The following DYNC1H1 variants were observed in gnomAD, a reference collection of about 807,000 sequenced individuals.
The protein encoded by DYNC1H1 is cytoplasmic dynein 1 heavy chain 1.
A neutral mutation model predicts 527.1 loss-of-function variants in DYNC1H1; 51 were observed. That is an observed-to-expected ratio of 0.10 (90% CI 0.08 to 0.12). The LOEUF (loss-of-function observed/expected upper bound fraction) is 0.12, where lower values mean the gene tolerates loss of function less well. DYNC1H1 is among the 10% of genes least tolerant of loss of function. The pLI is 1.00. For synonymous variants in DYNC1H1, 2,189 were observed against 2,278.8 expected, an observed-to-expected ratio of 0.96 and a Z score of 1.12; for missense variants, 2,771 against 5,971.8, an observed-to-expected ratio of 0.46 and a Z score of 17.66.
In DYNC1H1 at chr14:102,030,049, GGA is replaced by G. The variant is rs550418617; in HGVS notation, c.9763-105_9763-104del. On this transcript the variant is annotated intron_variant, in intron 50 of 77. Transcript: ENST00000360184. ...CTTAGGGTTAGAGAGAGGGAGGGAG[GGA>G]GAGAGAGTGTGTGTGTGTGTGTGTG... The G allele has an allele frequency of 6.6e-4, 1,030 of 1,553,816 alleles. 7 individuals carry two copies. In the African/African-American group the frequency reaches 0.014, roughly 21 times the overall value.
At chr14:101,976,882 A>G (rs1040452185) in intron 2 of DYNC1H1, among the ~76,000 whole-genome samples, 1 of 152,246 alleles carries the variant, frequency 6.6e-6, no homozygotes, top group African/African-American at 2.4e-5. Flanking sequence ...AGCCAGTATA[A>G]CAACTATTTA....
At chr14:102,024,677 CTT>C (rs10707594) in intron 43 of DYNC1H1, among the ~76,000 whole-genome samples, 6 of 135,484 alleles carry the variant, frequency 4.4e-5, no homozygotes, top group Non-Finnish European at 6.1e-5. Flanking sequence ...TGTGGCTTAT[CTT>C]TTTTTTTTAA....
chr14:102,043,133 A>G (rs185140612), intron 69 of DYNC1H1: 91 of 334,480 alleles, frequency 2.7e-4, no homozygotes, highest in East Asian at 2.1e-3. Context: ...AATATAAAAA[A>G]TTAGCCAGGC....
intron 10 of DYNC1H1, 55 bp from the exon 11 acceptor site, chr14:101,991,472 A>T (rs545139898): frequency 1.5e-4 from 241 of 1,608,966 alleles, no homozygotes; most frequent in Middle Eastern, 1.4e-3. Context: ...TCTTAAAAAA[A>T]TTTTTTTTAT....
Position 101,964,739 on chromosome 14 carries a change from G to A in DYNC1H1, c.48G>A (p.Leu16=). Residue 16 remains leucine (L), a synonymous_variant, in exon 1 of 78, where the codon TTG becomes TTA. Coordinates refer to ENST00000360184, the MANE Select transcript of DYNC1H1 (RefSeq NM_001376.5). This position sits in a 1 kb window ranked among gnomAD's most constrained non-coding sequence, Gnocchi z 5.5. ...GGGGEDGSAG[L]EVSAVQNVAD... Reference sequence around the variant, plus strand: ...GCGGCGAGGACGGCTCGGCCGGATTGGAAGTGTCGGCCGTGCAGAATGTGG... The same window carrying A: ...GCGGCGAGGACGGCTCGGCCGGATTAGAAGTGTCGGCCGTGCAGAATGTGG... 2 of 1,597,112 alleles carry A rather than the reference G, an allele frequency of 1.3e-6. No individual in the cohort carries two copies. Among genetic ancestry groups the A allele is most frequent in the African/African-American group, 1.3e-5 (1 of 74,832 alleles).
Position 102,015,885 on chromosome 14 carries a change from A to G in DYNC1H1, c.7272A>G (p.Gln2424=), listed in dbSNP as rs749295312. The G allele has an allele frequency of 8.7e-6, 14 of 1,614,218 alleles. No homozygotes were observed. In the Admixed American group the frequency reaches 1.7e-4, roughly 19 times the overall value. Residue 2424 remains glutamine (Q), a synonymous_variant, in exon 36 of 78, where the codon CAA becomes CAG. Transcript: ENST00000360184. The surrounding 1 kb of genome is among the most constrained non-coding windows in gnomAD (Gnocchi z 6.9). ...AAAGAGATGCAGCTACGATCATGCA[A>G]CCGTACTTCACGTCCAACGGCCTGG... ...QIQRDAATIM[Q]PYFTSNGLVT...
chr14:101,977,760 T>C (rs984616717), intron 2 of DYNC1H1, among the ~76,000 whole-genome samples: 3 of 152,378 alleles, frequency 2.0e-5, no homozygotes, highest in African/African-American at 7.2e-5. Context: ...TTCATGGAAC[T>C]GTTGGGTTTG....
rs774753241 is a variant in DYNC1H1 at position 102,018,477 on chromosome 14, A to G, written c.8204A>G (p.Tyr2735Cys). 6.2e-7 allele frequency: 1 copy of G among 1,613,830 alleles called. No homozygotes were observed. Among genetic ancestry groups the G allele is most frequent in the Non-Finnish European group, 8.5e-7 (1 of 1,180,022 alleles). The change falls in exon 41 of 78, where the codon TAT (tyrosine) becomes TGT (cysteine). Residue 2735 changes from tyrosine to cysteine, a missense_variant. Physicochemically the swap from Tyr to Cys is radical, Grantham distance 194 (BLOSUM62 -2). Around this residue, in one of 32 missense-constraint regions of DYNC1H1, gnomAD observed 163 missense variants for 346.9 expected, o/e 0.47. Coordinates refer to ENST00000360184, the MANE Select transcript of DYNC1H1 (RefSeq NM_001376.5). The surrounding 1 kb of genome is among the most constrained non-coding windows in gnomAD (Gnocchi z 5.2). ...TTCCTGCGCCACGTGCCTGTCGTGT[A>G]TGTGGATTACCCGGGCCCCGCCTCC... The part of the protein sequence containing the change: ...HRFLRHVPVV[Y>C]VDYPGPASLT...
Position 102,010,613 on chromosome 14 carries a change from C to T in DYNC1H1, c.6406-127C>T, listed in dbSNP as rs547297266. On this transcript the variant is annotated intron_variant, in intron 31 of 77. Transcript: ENST00000360184. The surrounding 1 kb of genome is among the most constrained non-coding windows in gnomAD (Gnocchi z 6.0). ...ATGTTGACCCAGTGAGTCGAGTGCA[C>T]GAATGTGGGCGAGTGGTGCTCGCAC... 9.9e-5 allele frequency: 148 copies of T among 1,493,828 alleles called. No individual in the cohort carries two copies. The Middle Eastern group carries it at 1.2e-3, about 12-fold the overall frequency. 92.5% of individuals were successfully genotyped at this position (1,493,828 alleles called of 1,614,324 possible).
chr14:102,041,961 G>C lies in DYNC1H1; in HGVS notation c.12103-52G>C. On this transcript the variant is annotated intron_variant, in intron 65 of 77. Coordinates refer to ENST00000360184, the MANE Select transcript of DYNC1H1 (RefSeq NM_001376.5). This position sits in a 1 kb window ranked among gnomAD's most constrained non-coding sequence, Gnocchi z 4.5. ...CTCGGGGCTCTCCTTTCCCTTGACA[G>C]GTACACACTATTTGCTGGCACTGTA... 1 of 1,593,786 alleles carries C rather than the reference G, an allele frequency of 6.3e-7. No homozygotes were observed. Among genetic ancestry groups the C allele is most frequent in the Non-Finnish European group, 8.6e-7 (1 of 1,162,402 alleles).
At position 102,044,103 on chromosome 14, in the gene DYNC1H1, G is replaced by A; in HGVS notation, c.12684+58G>A. On this transcript the variant is annotated intron_variant, in intron 70 of 77. Coordinates refer to ENST00000360184, the MANE Select transcript of DYNC1H1 (RefSeq NM_001376.5). This position sits in a 1 kb window ranked among gnomAD's most constrained non-coding sequence, Gnocchi z 7.1. ...ACGTGTATCTGGGAAGGATGCTGCA[G>A]GGCGTGGTGCTGAGAGGCCAGACTC... The A allele has an allele frequency of 6.2e-7, 1 of 1,604,814 alleles. No individual in the cohort carries two copies. The highest frequency in any genetic ancestry group is 2.2e-5 in the East Asian group (1 of 44,722).
In DYNC1H1 at chr14:102,029,769, A is replaced by G. The variant is rs761986627; in HGVS notation, c.9643-50A>G. On this transcript the variant is annotated intron_variant, in intron 49 of 77. Transcript: ENST00000360184. The surrounding 1 kb of genome is among the most constrained non-coding windows in gnomAD (Gnocchi z 5.3). ...TGAGCTGCAGTGAGGACCCCTTTCC[A>G]TATAATTTCTGCATGTTTCTCGTCT... is the stretch of plus-strand genomic sequence containing the variant. 3.7e-6 allele frequency: 6 copies of G among 1,614,178 alleles called. No homozygotes were observed. The highest frequency in any genetic ancestry group is 1.1e-5 in the South Asian group (1 of 91,080).
At chr14:101,988,033 G>A (rs1017053872) in intron 9 of DYNC1H1, among the ~76,000 whole-genome samples, 3 of 151,986 alleles carry the variant, frequency 2.0e-5, no homozygotes, top group African/African-American at 7.3e-5. Flanking sequence ...AGCCAACATC[G>A]CACCACTGCA....
intron 7 of DYNC1H1, among the ~76,000 whole-genome samples, chr14:101,984,451 T>TA (rs1491119813): frequency 0.018 from 1,301 of 72,188 alleles, 24 homozygotes; most frequent in African/African-American, 0.041. Flanking sequence ...ATATATTATA[T>TA]TTTTTTTTTT....
At position 102,016,945 on chromosome 14, in the gene DYNC1H1, G is replaced by A. The variant is rs770661847; in HGVS notation, c.7794G>A (p.Gly2598=). ...HKPLVLCGPP[G]SGKTMTLFSA... ...CCCTGGTCTTGTGTGGCCCTCCTGG[G>A]TCTGGCAAGACCATGACACTCTTCA... The change falls in exon 38 of 78, where the codon GGG becomes GGA. Residue 2598 remains glycine (G), a synonymous_variant. Transcript: ENST00000360184. The surrounding 1 kb of genome is among the most constrained non-coding windows in gnomAD (Gnocchi z 7.3). The A allele has an allele frequency of 3.1e-6, 5 of 1,614,124 alleles. No homozygotes were observed. The highest frequency in any genetic ancestry group is 1.7e-5 in the Admixed American group (1 of 60,014).
intron 10 of DYNC1H1, among the ~76,000 whole-genome samples, 179 bp from the exon 11 acceptor site, chr14:101,991,348 C>G (rs1037592839): frequency 1.3e-5 from 2 of 152,176 alleles, no homozygotes; most frequent in Middle Eastern, 3.4e-3. Context: ...GGCGCATGCC[C>G]GTAATCCCAG....
At chr14:101,980,865 C>A (rs2047855459) in intron 5 of DYNC1H1, among the ~76,000 whole-genome samples, 1 of 152,190 alleles carries the variant, frequency 6.6e-6, no homozygotes, top group South Asian at 2.1e-4. Context: ...GTACAATTGG[C>A]ACAAAGTCAG....
At chr14:101,968,969 G>A (rs2047698275) in intron 1 of DYNC1H1, among the ~76,000 whole-genome samples, 1 of 152,168 alleles carries the variant, frequency 6.6e-6, no homozygotes, top group South Asian at 2.1e-4. Context: ...AATGTTTTCT[G>A]GTTAAGTGGA....
chr14:102,013,203 C>T (rs17541123), intron 34 of DYNC1H1, among the ~76,000 whole-genome samples: 129 of 142,198 alleles, frequency 9.1e-4, no homozygotes, highest in Non-Finnish European at 1.7e-3. Context: ...GAGCCGAGAT[C>T]GCGCCACTGC....
Sources: allele counts gnomAD v4.1 joint callset (sites outside exome capture counted in the v4.1 genomes callset), GRCh38; gene constraint gnomAD v4.1.1; regional missense constraint gnomAD v4.1.1; non-coding constraint Gnocchi (gnomAD v3.1); transcripts MANE v1.5; gene names NCBI Gene and HGNC (gene_info 2026-07-23, HGNC 2026-07-21).